VAMP5: variants seen among roughly 807,000 people sequenced by gnomAD.
VAMP5 encodes the protein vesicle associated membrane protein 5.
VAMP5 carries 10 observed loss-of-function variants against 8.1 expected under a neutral mutation model. That is an observed-to-expected ratio of 1.23 (90% confidence interval 0.76 to 2.09). VAMP5 has a LOEUF of 2.09. Among genes scored for constraint, VAMP5 ranks in the 30% most tolerant of loss-of-function variants. VAMP5 has a pLI of 0.00. For synonymous variants in VAMP5, 62 were observed against 60.6 expected (o/e 1.02, Z -0.11); for missense variants, 135 against 152.5 (o/e 0.89, Z 0.60).
chr2:85,592,900 C>G (rs1354090977), intron 2 of VAMP5, 48 bp from the exon 3 acceptor site: 3 of 1,605,312 alleles, frequency 1.9e-6, no homozygotes, highest in South Asian at 2.2e-5. Flanking sequence ...GCTCCCAGGC[C>G]AAGAGGGTGC....
chr2:85,592,628 CCATCT>C (rs1456076832), intron 2 of VAMP5, among the ~76,000 whole-genome samples: 1 of 151,592 alleles, frequency 6.6e-6, no homozygotes, highest in Admixed American at 6.6e-5. Context: ...TGGTGAAACC[CCATCT>C]CAACTAAAAA....
intron 1 of VAMP5, among the ~76,000 whole-genome samples, chr2:85,590,603 C>T (rs2104049491): frequency 6.6e-6 from 1 of 152,302 alleles, no homozygotes; most frequent in Non-Finnish European, 1.5e-5. Flanking sequence ...GGAATTCAGT[C>T]AAGTGCCAAA....
At chr2:85,584,591 C>A in intron 1 of VAMP5, 98 bp downstream of exon 1, 1 of 1,217,178 alleles carries the variant, frequency 8.2e-7, no homozygotes, top group South Asian at 4.2e-5. Context: ...TGGGGCCTCC[C>A]CTGGGGCCCA....
At chr2:85,587,006 C>CA in intron 1 of VAMP5, among the ~76,000 whole-genome samples, 1 of 151,634 alleles carries the variant, frequency 6.6e-6, no homozygotes, top group African/African-American at 2.4e-5. Flanking sequence ...ACCCAGGAGG[C>CA]AGAGCTTGCA....
intron 1 of VAMP5, among the ~76,000 whole-genome samples, chr2:85,586,049 T>C (rs1672455069): frequency 6.6e-6 from 1 of 152,230 alleles, no homozygotes; most frequent in Non-Finnish European, 1.5e-5. Context: ...AAAGAATGTG[T>C]GTGTTGAGCC....
At chr2:85,591,980 G>T in intron 2 of VAMP5, 118 bp downstream of exon 2, 1 of 1,473,972 alleles carries the variant, frequency 6.8e-7, no homozygotes, top group South Asian at 1.3e-5. Flanking sequence ...GGCCAGTGTG[G>T]GGCCTCTGGG....
At chr2:85,588,914 G>A (rs1451251394) in intron 1 of VAMP5, among the ~76,000 whole-genome samples, 3 of 152,054 alleles carry the variant, frequency 2.0e-5, no homozygotes, top group Non-Finnish European at 4.4e-5. Context: ...TATCTGTATC[G>A]CACAGTGTAA....
intron 1 of VAMP5, among the ~76,000 whole-genome samples, chr2:85,590,097 C>A (rs954520774): frequency 6.6e-5 from 10 of 152,108 alleles, no homozygotes; most frequent in African/African-American, 2.4e-4. Flanking sequence ...TTCGTTGTTC[C>A]TCTGTGTTTC....
Position 85,593,139 on chromosome 2 carries a change from C to T in VAMP5, c.333C>T (p.Ala111=). ...SAPRTQDAGI[A]SGPGN ...CACGGACCCAGGATGCAGGCATTGC[C>T]TCAGGGCCTGGGAACTGACCCAGCT... Residue 111 remains alanine (A), a synonymous_variant, in exon 3 of 3, where the codon GCC becomes GCT. Coordinates refer to ENST00000306384, the MANE Select transcript of VAMP5 (RefSeq NM_006634.3). 1 of 1,614,198 alleles carries T rather than the reference C, an allele frequency of 6.2e-7. No homozygotes were observed. The highest frequency in any genetic ancestry group is 1.1e-5 in the South Asian group (1 of 91,088).
intron 2 of VAMP5, 73 bp downstream of exon 2, chr2:85,591,935 C>G: frequency 6.3e-7 from 1 of 1,588,474 alleles, no homozygotes; most frequent in Non-Finnish European, 8.6e-7. Flanking sequence ...TATTCAGGAT[C>G]TCCAGTTCCT....
Position 85,593,199 on chromosome 2 carries a change from C to G in VAMP5, c.*42C>G. 6.2e-7 allele frequency: 1 copy of G among 1,605,756 alleles called. No homozygotes were observed. On this transcript the variant is annotated 3_prime_UTR_variant, in exon 3 of 3. Coordinates refer to ENST00000306384, the MANE Select transcript of VAMP5 (RefSeq NM_006634.3). ...GGAGAAGCCAAATGGCTGCACTGGC[C>G]GATTCTGGTCTCCAGAGGACCTTGG...
At chr2:85,589,474 C>G (rs1350479208) in intron 1 of VAMP5, among the ~76,000 whole-genome samples, 1 of 152,164 alleles carries the variant, frequency 6.6e-6, no homozygotes, top group African/African-American at 2.4e-5. Context: ...GCACAGCCAG[C>G]TCTTTGGAGA....
In VAMP5 at chr2:85,593,077, G is replaced by A. The variant is rs193102078; in HGVS notation, c.271G>A (p.Val91Ile). 21 of 1,614,200 alleles carry A rather than the reference G, an allele frequency of 1.3e-5. No homozygotes were observed. Among genetic ancestry groups the A allele is most frequent in the Middle Eastern group, 3.3e-4 (2 of 6,062 alleles). Residue 91 changes from valine to isoleucine, a missense_variant, in exon 3 of 3, where the codon GTC becomes ATC. Val to Ile is a conservative substitution (Grantham distance 29, BLOSUM62 3). Transcript: ENST00000306384. ...LLIILIVLLV[V>I]FLPQSSDSSS... The stretch of plus-strand genomic sequence containing the variant: ...CATCATCCTGATTGTGCTGCTGGTC[G>A]TCTTTCTCCCTCAGAGCAGTGACAG...
intron 2 of VAMP5, 66 bp downstream of exon 2, chr2:85,591,928 T>G: frequency 1.3e-6 from 2 of 1,597,862 alleles, no homozygotes; most frequent in East Asian, 2.2e-5. Flanking sequence ...TGGGCTGTAT[T>G]CAGGATCTCC....
chr2:85,587,517 G>A lies in VAMP5; in HGVS notation c.3+3024G>A, dbSNP rs565410207. 2.6e-5 allele frequency among the ~76,000 whole-genome samples: 4 copies of A among 151,808 alleles called. No individual in the cohort carries two copies. The East Asian group carries it at 7.7e-4, about 29-fold the overall frequency. ...TCCACCTGCCTCGGCCTCCCAAAGTGCTGGGATTACAGGCGTGAGCCACCA... is the reference window on the plus strand; with the variant it reads ...TCCACCTGCCTCGGCCTCCCAAAGTACTGGGATTACAGGCGTGAGCCACCA... On this transcript the variant is annotated intron_variant, in intron 1 of 2. Coordinates refer to ENST00000306384, the MANE Select transcript of VAMP5 (RefSeq NM_006634.3).
chr2:85,592,358 A>G (rs781055261), intron 2 of VAMP5, among the ~76,000 whole-genome samples: 9 of 152,164 alleles, frequency 5.9e-5, no homozygotes, highest in African/African-American at 4.8e-5. Context: ...TGGCTTTCCA[A>G]TGTGCTGGGA....
At chr2:85,592,895 C>T (rs1672565611) in intron 2 of VAMP5, 53 bp from the exon 3 acceptor site, 10 of 1,606,066 alleles carry the variant, frequency 6.2e-6, no homozygotes, top group South Asian at 2.2e-5. Context: ...AGCTGGCTCC[C>T]AGGCCAAGAG....
At chr2:85,592,247 A>AC (rs1487466261) in intron 2 of VAMP5, among the ~76,000 whole-genome samples, 2 of 152,112 alleles carry the variant, frequency 1.3e-5, no homozygotes, top group Non-Finnish European at 2.9e-5. Context: ...ACAAGCCTGC[A>AC]CCACCATGCC....
intron 2 of VAMP5, 87 bp from the exon 3 acceptor site, chr2:85,592,861 C>G (rs1285134115): frequency 3.6e-6 from 5 of 1,381,132 alleles, no homozygotes. Flanking sequence ...GGAGACTAAG[C>G]CTTACTGAGA....
Sources: gnomAD v4.1 joint callset for allele counts (sites outside exome capture counted in the v4.1 genomes callset) on GRCh38, gnomAD v4.1.1 for gene constraint, MANE v1.5 for transcripts, NCBI Gene and HGNC (gene_info 2026-07-23, HGNC 2026-07-21) for gene names.